Variants in PDE7B observed in about 807,000 individuals in gnomAD.
PDE7B encodes the protein phosphodiesterase 7B.
Under a neutral mutation model 56.2 loss-of-function variants are expected in PDE7B, and 29 were observed. The observed-to-expected ratio is 0.52, with a 90% confidence interval of 0.38 to 0.70. PDE7B has a LOEUF of 0.70. Among genes scored for constraint, PDE7B ranks in the 30% least tolerant of loss-of-function variants. PDE7B has a pLI of 0.00. For synonymous variants in PDE7B, 197 were observed against 196.9 expected (o/e 1.00, Z 0.00); for missense variants, 490 against 565.0 (o/e 0.87, Z 1.35).
intron 2 of PDE7B, among the ~76,000 whole-genome samples, chr6:136,029,340 C>T (rs1300410793): frequency 3.9e-5 from 6 of 152,116 alleles, no homozygotes; most frequent in Non-Finnish European, 8.8e-5. Flanking sequence ...TTATTAAAAG[C>T]CCAGTTATCT....
At chr6:136,144,862 C>T (rs113328831) in intron 3 of PDE7B, among the ~76,000 whole-genome samples, 50 of 152,256 alleles carry the variant, frequency 3.3e-4, no homozygotes, top group African/African-American at 1.1e-3. Flanking sequence ...CAGTGCATTA[C>T]ATTAGGAAGA....
At chr6:136,055,158 T>G (rs938633370) in intron 2 of PDE7B, among the ~76,000 whole-genome samples, 2 of 152,238 alleles carry the variant, frequency 1.3e-5, no homozygotes, top group Non-Finnish European at 2.9e-5. Flanking sequence ...TCATTTCTGC[T>G]ATCTAAAAGG....
At chr6:136,118,507 A>G (rs939484627) in intron 3 of PDE7B, among the ~76,000 whole-genome samples, 1 of 152,204 alleles carries the variant, frequency 6.6e-6, no homozygotes, top group Non-Finnish European at 1.5e-5. Context: ...ATCCCCATAA[A>G]CACCCTATAA....
intron 11 of PDE7B, 24 bp downstream of exon 11, chr6:136,181,347 G>A: frequency 1.5e-6 from 2 of 1,352,966 alleles, no homozygotes; most frequent in African/African-American, 1.4e-5. Context: ...CAACAGCTGA[G>A]ATTTCATTGC....
chr6:135,938,726 T>C (rs1401778366), intron 1 of PDE7B, among the ~76,000 whole-genome samples: 1 of 152,174 alleles, frequency 6.6e-6, no homozygotes, highest in Non-Finnish European at 1.5e-5. Context: ...ACGCAATGAC[T>C]CTGAGCCTGC....
intron 1 of PDE7B, among the ~76,000 whole-genome samples, chr6:135,898,293 A>G (rs1775937730): frequency 6.6e-6 from 1 of 152,230 alleles, no homozygotes. Flanking sequence ...TACACACTTT[A>G]ATAACTAGTT....
intron 8 of PDE7B, among the ~76,000 whole-genome samples, 192 bp from the exon 9 acceptor site, chr6:136,173,605 C>G (rs1024309505): frequency 6.6e-6 from 1 of 152,114 alleles, no homozygotes; most frequent in African/African-American, 2.4e-5. Flanking sequence ...TGCTGTTCTC[C>G]CATCATCATC....
At chr6:135,922,151 T>C (rs1217236723) in intron 1 of PDE7B, among the ~76,000 whole-genome samples, 2 of 152,182 alleles carry the variant, frequency 1.3e-5, no homozygotes, top group African/African-American at 2.4e-5. Context: ...TTTACCCTCC[T>C]GTAAACTGCC....
intron 3 of PDE7B, among the ~76,000 whole-genome samples, chr6:136,121,667 G>T (rs1777935963): frequency 6.6e-6 from 1 of 152,212 alleles, no homozygotes; most frequent in Non-Finnish European, 1.5e-5. Flanking sequence ...AGCTAAATTG[G>T]CAAGTGTCAC....
At chr6:136,167,941 C>A (rs187388221) in intron 8 of PDE7B, among the ~76,000 whole-genome samples, 59 of 152,086 alleles carry the variant, frequency 3.9e-4, no homozygotes, top group Admixed American at 1.1e-3. Flanking sequence ...TTCCGGAATG[C>A]CAGAGAAAAA....
intron 1 of PDE7B, among the ~76,000 whole-genome samples, chr6:135,876,382 C>T (rs1292302337): frequency 6.6e-6 from 1 of 152,222 alleles, no homozygotes; most frequent in African/African-American, 2.4e-5. Flanking sequence ...TCATGTTCTA[C>T]AGCTTCACTA....
chr6:136,018,488 A>G (rs548881403), intron 2 of PDE7B, among the ~76,000 whole-genome samples: 177 of 152,300 alleles, frequency 1.2e-3, no homozygotes, highest in Non-Finnish European at 2.0e-3. Flanking sequence ...AACAATCCTG[A>G]ACCCAACTTA....
At chr6:135,966,380 T>C (rs555261852) in intron 2 of PDE7B, among the ~76,000 whole-genome samples, 1 of 152,236 alleles carries the variant, frequency 6.6e-6, no homozygotes, top group East Asian at 1.9e-4. Context: ...CTAGTTTTAC[T>C]AAAAAACAAA....
intron 1 of PDE7B, among the ~76,000 whole-genome samples, chr6:135,855,711 A>G (rs1431924835): frequency 6.6e-6 from 1 of 152,144 alleles, no homozygotes; most frequent in African/African-American, 2.4e-5. Flanking sequence ...CTTGAACTTA[A>G]AACTGTAGGA....
rs542447745 is a variant in PDE7B, at chr6:136,027,241, G to A, written c.82+79717G>A. On this transcript the variant is annotated intron_variant, in intron 2 of 12. Coordinates refer to ENST00000308191, the MANE Select transcript of PDE7B (RefSeq NM_018945.4). ...ATAGCAGCCCAAGCTAACTTAAGAT[G>A]TGATCTAATGGAAATAGTCTATCTC... 3.9e-5 allele frequency among the ~76,000 whole-genome samples: 6 copies of A among 152,316 alleles called. 1 individual carries two copies. The East Asian group carries it at 1.2e-3, about 29-fold the overall frequency.
At chr6:135,915,450 T>G (rs1773892902) in intron 1 of PDE7B, among the ~76,000 whole-genome samples, 3 of 152,230 alleles carry the variant, frequency 2.0e-5, no homozygotes, top group Admixed American at 2.0e-4. Flanking sequence ...CAGTATTTGA[T>G]GTTGTCAATC....
intron 2 of PDE7B, among the ~76,000 whole-genome samples, chr6:136,067,194 G>A (rs1385480492): frequency 2.6e-5 from 4 of 151,968 alleles, no homozygotes; most frequent in South Asian, 2.1e-4. Flanking sequence ...CCACACATTG[G>A]GAATGTATCT....
intron 2 of PDE7B, among the ~76,000 whole-genome samples, chr6:135,974,332 A>G (rs577308473): frequency 3.3e-5 from 5 of 151,430 alleles, no homozygotes; most frequent in Admixed American, 6.6e-5. Flanking sequence ...GTGTGTGTGT[A>G]TATATATATA....
intron 2 of PDE7B, among the ~76,000 whole-genome samples, chr6:136,087,657 C>T (rs1354839780): frequency 6.6e-6 from 1 of 152,122 alleles, no homozygotes; most frequent in Non-Finnish European, 1.5e-5. Context: ...TTTCAGTATG[C>T]TAAGGCATGC....
Sources: allele counts gnomAD v4.1 joint callset (sites outside exome capture counted in the v4.1 genomes callset), GRCh38; gene constraint gnomAD v4.1.1; transcripts MANE v1.5; gene names NCBI Gene and HGNC (gene_info 2026-07-23, HGNC 2026-07-21).